The following OSBPL10 variants were observed in gnomAD, a reference collection of about 807,000 sequenced individuals.
The protein encoded by OSBPL10 is oxysterol-binding protein-related protein 10.
Under a neutral mutation model 81.7 loss-of-function variants are expected in OSBPL10, and 49 were observed. The ratio of observed to expected loss-of-function variants is 0.60; its 90% CI spans 0.48 to 0.76. The LOEUF (loss-of-function observed/expected upper bound fraction) is 0.76. OSBPL10 is among the 30% of genes least tolerant of loss of function. The pLI, the probability that OSBPL10 is intolerant of heterozygous loss-of-function variation, is 0.00. For synonymous variants in OSBPL10, 419 were observed against 383.6 expected, an observed-to-expected ratio of 1.09 and a Z score of -1.08; for missense variants, 923 against 987.8, an observed-to-expected ratio of 0.93 and a Z score of 0.88.
chr3:31,671,069 A>G, intron 8 of OSBPL10, 86 bp from the exon 9 acceptor site: 7 of 1,304,650 alleles, frequency 5.4e-6, no homozygotes, highest in Non-Finnish European at 6.3e-6. Context: ...GGGAAACCAA[A>G]GAGCCTCCTG....
At chr3:31,965,984 T>C (rs1698389503) in intron 1 of OSBPL10, among the ~76,000 whole-genome samples, 1 of 124,850 alleles carries the variant, frequency 8.0e-6, no homozygotes, top group African/African-American at 3.0e-5. Flanking sequence ...ATAATATATA[T>C]TATATAAAAT....
At chr3:31,738,234 C>T (rs60830112) in intron 5 of OSBPL10, among the ~76,000 whole-genome samples, 14 of 152,012 alleles carry the variant, frequency 9.2e-5, no homozygotes, top group African/African-American at 1.7e-4. Context: ...ATATTTTCTC[C>T]GGCTTTTTAT....
intron 7 of OSBPL10, among the ~76,000 whole-genome samples, chr3:31,701,459 T>C (rs1695892389): frequency 6.6e-6 from 1 of 152,322 alleles, no homozygotes; most frequent in African/African-American, 2.4e-5. Context: ...TTCGTAAGGA[T>C]AAGATGGTGA....
chr3:31,760,769 A>G (rs1285409004), intron 4 of OSBPL10, among the ~76,000 whole-genome samples: 1 of 152,178 alleles, frequency 6.6e-6, no homozygotes, highest in African/African-American at 2.4e-5. Flanking sequence ...AAATTTCTAC[A>G]ATACTATTTA....
At chr3:31,709,754 A>G in intron 6 of OSBPL10, among the ~76,000 whole-genome samples, 1 of 152,188 alleles carries the variant, frequency 6.6e-6, no homozygotes, top group East Asian at 1.9e-4. Context: ...CTGCAAATCA[A>G]GCTTAGCATC....
intron 3 of OSBPL10, among the ~76,000 whole-genome samples, chr3:31,862,009 A>C (rs576106348): frequency 6.6e-6 from 1 of 152,172 alleles, no homozygotes; most frequent in African/African-American, 2.4e-5. Context: ...AGCCAAGTGG[A>C]AGGGGCCAGT....
At chr3:32,075,426 G>A (rs556684477) in intron 1 of OSBPL10, among the ~76,000 whole-genome samples, 1 of 152,186 alleles carries the variant, frequency 6.6e-6, no homozygotes, top group East Asian at 1.9e-4. Context: ...GATGTCCTGG[G>A]TACTCCCAAC....
Position 31,683,694 on chromosome 3 carries a change from G to A in OSBPL10, c.1666C>T (p.His556Tyr), listed in dbSNP as rs978498588. 3.1e-6 allele frequency: 5 copies of A among 1,614,074 alleles called. No individual in the cohort carries two copies. Among genetic ancestry groups the A allele is most frequent in the Non-Finnish European group, 3.4e-6 (4 of 1,180,052 alleles). The part of the protein sequence containing the change: ...CEEKRLCVNT[H>Y]VWTKSKFMGM... ...ATGAACTTGCTTTTGGTCCATACAT[G>A]AGTGTTGACGCACAGTCTCTTCTCC... The change falls in exon 8 of 12, where the codon CAT becomes TAT. Residue 556 changes from histidine (H) to tyrosine (Y), a missense_variant. Transcript: ENST00000396556.
intron 2 of OSBPL10, among the ~76,000 whole-genome samples, chr3:32,006,475 T>C (rs1699206406): frequency 6.6e-6 from 1 of 152,238 alleles, no homozygotes; most frequent in Non-Finnish European, 1.5e-5. Flanking sequence ...TGAACTTTTT[T>C]ACCCAATTGT....
intron 8 of OSBPL10, among the ~76,000 whole-genome samples, chr3:31,679,780 G>A (rs990988448): frequency 6.6e-6 from 1 of 152,066 alleles, no homozygotes; most frequent in Non-Finnish European, 1.5e-5. Flanking sequence ...CTCATAGCAC[G>A]AGCCAAGCCC....
At chr3:32,042,575 A>G (rs1362906049) in intron 2 of OSBPL10, among the ~76,000 whole-genome samples, 2 of 152,048 alleles carry the variant, frequency 1.3e-5, no homozygotes, top group Non-Finnish European at 1.5e-5. Context: ...CAATATTTCA[A>G]TGTAGGTTCT....
chr3:31,664,507 G>A (rs1700143796), intron 10 of OSBPL10: 1 of 548,782 alleles, frequency 1.8e-6, no homozygotes, highest in African/African-American at 1.9e-5. Context: ...AGTAGTAGTT[G>A]GCATTCTGCT....
intron 4 of OSBPL10, among the ~76,000 whole-genome samples, chr3:31,808,947 A>T (rs1699594157): frequency 6.6e-6 from 1 of 152,236 alleles, no homozygotes; most frequent in Non-Finnish European, 1.5e-5. Context: ...TGGACTTCGT[A>T]AAACTCTTAA....
intron 6 of OSBPL10, among the ~76,000 whole-genome samples, chr3:31,726,051 A>G (rs909884505): frequency 1.3e-5 from 2 of 152,190 alleles, no homozygotes; most frequent in Non-Finnish European, 1.5e-5. Flanking sequence ...GGTATAGCAG[A>G]CACAATCTAT....
chr3:31,888,879 A>T (rs1695812752), intron 1 of OSBPL10, among the ~76,000 whole-genome samples: 1 of 152,156 alleles, frequency 6.6e-6, no homozygotes, highest in East Asian at 1.9e-4. Flanking sequence ...AGCCGAGATC[A>T]CGTCACTGCA....
intron 1 of OSBPL10, among the ~76,000 whole-genome samples, chr3:31,914,141 G>A (rs1324212474): frequency 2.0e-5 from 3 of 152,090 alleles, no homozygotes; most frequent in East Asian, 1.9e-4. Context: ...GGCTGGTCTC[G>A]AACTCCTGAC....
At chr3:31,696,904 C>G (rs930655649) in intron 7 of OSBPL10, among the ~76,000 whole-genome samples, 2 of 152,208 alleles carry the variant, frequency 1.3e-5, no homozygotes, top group Admixed American at 6.5e-5. Flanking sequence ...TATCTCAGAC[C>G]TAATCAGATC....
chr3:31,965,457 AAT>A (rs1451250418), intron 1 of OSBPL10, among the ~76,000 whole-genome samples: 1 of 70,074 alleles, frequency 1.4e-5, no homozygotes, highest in African/African-American at 1.2e-4. Flanking sequence ...TATAATATAT[AAT>A]TTATATAATA....
chr3:31,919,858 A>G (rs1696862406), intron 1 of OSBPL10, among the ~76,000 whole-genome samples: 1 of 152,254 alleles, frequency 6.6e-6, no homozygotes, highest in Non-Finnish European at 1.5e-5. Context: ...GAATGAAAGC[A>G]CTTTTTTATT....
Sources: gnomAD v4.1 joint callset for allele counts (sites outside exome capture counted in the v4.1 genomes callset) on GRCh38, gnomAD v4.1.1 for gene constraint, MANE v1.5 for transcripts, NCBI Gene and HGNC (gene_info 2026-07-23, HGNC 2026-07-21) for gene names.